The following LIG3 variants were observed in gnomAD, a reference collection of about 807,000 sequenced individuals.
LIG3 encodes the protein ligase II, DNA, ATP-dependent.
Under a neutral mutation model 110.9 loss-of-function variants are expected in LIG3, and 58 were observed. The ratio of observed to expected loss-of-function variants is 0.52; its 90% CI spans 0.42 to 0.65. The LOEUF is 0.65. Among genes scored for constraint, LIG3 ranks in the 30% least tolerant of loss-of-function variants. LIG3 has a pLI of 0.00. For synonymous variants in LIG3, 422 were observed against 472.8 expected, an observed-to-expected ratio of 0.89 and a Z score of 1.39; for missense variants, 1,094 against 1,273.8, an observed-to-expected ratio of 0.86 and a Z score of 2.15.
In LIG3 at chr17:34,983,457, G is replaced by A. The variant is rs537076655; in HGVS notation, c.452G>A (p.Arg151Gln). Residue 151 changes from arginine to glutamine, a missense_variant, in exon 2 of 20, where the codon CGG becomes CAG. By Grantham distance (43) the Arg-to-Gln change is conservative (BLOSUM62 1). Transcript: ENST00000378526. ...ATGTTTGAGAAACTAGAGCGGGCCCGGGCCACCACAAAAAAAATCGAGGAC... is the reference window on the plus strand; with the variant it reads ...ATGTTTGAGAAACTAGAGCGGGCCCAGGCCACCACAAAAAAAATCGAGGAC... ...KCMFEKLERARATTKKIEDLT... is the reference protein window; with the variant it reads ...KCMFEKLERAQATTKKIEDLT... 54 of 1,614,046 alleles carry A rather than the reference G, an allele frequency of 3.3e-5. No homozygotes were observed. In the Admixed American group the frequency reaches 5.5e-4, roughly 16 times the overall value.
chr17:34,988,603 T>C (rs2090684365), intron 3 of LIG3, among the ~76,000 whole-genome samples: 2 of 152,212 alleles, frequency 1.3e-5, no homozygotes, highest in South Asian at 2.1e-4. Flanking sequence ...TTTTTAAGTG[T>C]CTGGAGGAAA....
chr17:34,982,982 C>A lies in LIG3; in HGVS notation c.-4-20C>A. 7.7e-7 allele frequency: 1 copy of A among 1,304,946 alleles called. No individual in the cohort carries two copies. Among genetic ancestry groups the A allele is most frequent in the Non-Finnish European group, 1.0e-6 (1 of 986,274 alleles). The allele number at this position is 1,304,946 out of a possible 1,614,324, so 80.8% of individuals were successfully genotyped here. A position where few individuals can be genotyped will look rare whatever the true frequency, so the allele number is the denominator to read the frequency against. On this transcript the variant is annotated intron_variant, in intron 1 of 19. Coordinates refer to ENST00000378526, the MANE Select transcript of LIG3 (RefSeq NM_013975.4). ...TTATATCTTTTTTTTTTTTTTTTGG[C>A]CTCCTACTCTTTCGTACAGCTATAT...
chr17:34,994,185 A>G (rs1360949593), intron 8 of LIG3, 91 bp from the exon 9 acceptor site: 2 of 1,252,152 alleles, frequency 1.6e-6, no homozygotes, highest in Non-Finnish European at 2.2e-6. Context: ...CCAGGTAACT[A>G]CCCTCACTAA....
rs770559358 is a variant in LIG3 at position 34,983,382 on chromosome 17, C to A, written c.377C>A (p.Pro126His). 3.7e-6 allele frequency: 6 copies of A among 1,614,012 alleles called. No individual in the cohort carries two copies. Among genetic ancestry groups the A allele is most frequent in the Non-Finnish European group, 5.1e-6 (6 of 1,180,036 alleles). The change falls in exon 2 of 20, where the codon CCC becomes CAC. Residue 126 changes from proline (P) to histidine (H), a missense_variant. Transcript: ENST00000378526. ...VCRIGKVVPN[P>H]FSESGGDMKE... ...CGAATTGGCAAAGTGGTGCCCAATC[C>A]CTTCTCAGAGTCTGGGGGTGATATG...
intron 11 of LIG3, 161 bp from the exon 12 acceptor site, chr17:34,997,577 C>T (rs1378182043): frequency 1.6e-6 from 1 of 609,866 alleles, no homozygotes; most frequent in Non-Finnish European, 3.0e-6. Flanking sequence ...CGATGGAGCC[C>T]TTGTAGCCCT....
At chr17:35,001,515 TGAGGCA>T in intron 17 of LIG3, 112 bp downstream of exon 17, 1 of 1,164,932 alleles carries the variant, frequency 8.6e-7, no homozygotes, top group South Asian at 1.5e-5. Flanking sequence ...CCCATTCTCC[TGAGGCA>T]GAGCAAGGAG....
rs768095522 is a variant in LIG3 at position 34,986,104 on chromosome 17, A to G, written c.664A>G (p.Asn222Asp). The G allele has an allele frequency of 2.5e-6, 4 of 1,614,166 alleles. No homozygotes were observed. In the East Asian group the frequency reaches 6.7e-5, roughly 27 times the overall value. ...AGGCGCCTCATTTGTCACCAGTACCAATCCCCGGAAATTTTCTGGCTTTTC... is the reference window on the plus strand; with the variant it reads ...AGGCGCCTCATTTGTCACCAGTACCGATCCCCGGAAATTTTCTGGCTTTTC... ...VKGASFVTST[N>D]PRKFSGFSAK... Residue 222 changes from asparagine (N) to aspartate (D), a missense_variant, in exon 3 of 20, where the codon AAT (asparagine) becomes GAT (aspartate). Asn to Asp is a conservative substitution (Grantham distance 23). Coordinates refer to ENST00000378526, the MANE Select transcript of LIG3 (RefSeq NM_013975.4).
intron 7 of LIG3, 112 bp downstream of exon 7, chr17:34,992,147 T>G: frequency 1.1e-6 from 1 of 906,610 alleles, no homozygotes; most frequent in Non-Finnish European, 1.8e-6. Context: ...CCTTCCACCT[T>G]CTTACTTTCT....
In LIG3 at chr17:34,999,846, C is replaced by T; in HGVS notation, c.2321C>T (p.Pro774Leu). The T allele has an allele frequency of 6.2e-7, 1 of 1,613,866 alleles. No individual in the cohort carries two copies. The highest frequency in any genetic ancestry group is 8.5e-7 in the Non-Finnish European group (1 of 1,179,776). Residue 774 changes from proline (P) to leucine (L), a missense_variant, in exon 16 of 20, where the codon CCA (proline) becomes CTA (leucine). Coordinates refer to ENST00000378526, the MANE Select transcript of LIG3 (RefSeq NM_013975.4). ...ATCTACTATCCTGACTTCATCGTCC[C>T]AGACCCAAAGGTATCAACCCAGTGG... ...NKIYYPDFIV[P>L]DPKKAAVWEI... is the part of the protein sequence containing the mutation.
rs1189429348 is a variant in LIG3, at chr17:34,992,007, C to T, written c.1258C>T (p.Leu420=). The change falls in exon 7 of 20, where the codon CTG becomes TTG. Residue 420 remains leucine (L), a synonymous_variant. Coordinates refer to ENST00000378526, the MANE Select transcript of LIG3 (RefSeq NM_013975.4). ...KCIIRLIKHD[L]KMNSGAKHVL... Reference sequence around the variant, plus strand: ...CATCATCAGGTTGATCAAACATGATCTGAAGATGAACTCAGGTGCAAAACA... The same window carrying T: ...CATCATCAGGTTGATCAAACATGATTTGAAGATGAACTCAGGTGCAAAACA... 6.2e-7 allele frequency: 1 copy of T among 1,613,942 alleles called. No individual in the cohort carries two copies. The highest frequency in any genetic ancestry group is 8.5e-7 in the Non-Finnish European group (1 of 1,179,742).
rs1248858427 is a variant in LIG3 at position 35,005,712 on chromosome 17, A to G, written c.*1206A>G. ...TTTCATGGCTGGAGTATTCATGTGA[A>G]TGAAACTGCCGGGCTATCTGATGGG... On this transcript the variant is annotated 3_prime_UTR_variant, in exon 20 of 20. Coordinates refer to ENST00000378526, the MANE Select transcript of LIG3 (RefSeq NM_013975.4). 1 of 561,360 alleles carries G rather than the reference A, an allele frequency of 1.8e-6. No individual in the cohort carries two copies. Among genetic ancestry groups the G allele is most frequent in the African/African-American group, 1.9e-5 (1 of 52,984 alleles). The allele number at this position is 561,360 out of a possible 1,614,324, so 34.8% of individuals were successfully genotyped here. A position where few individuals can be genotyped will look rare whatever the true frequency, so the allele number is the denominator to read the frequency against.
Position 34,986,136 on chromosome 17 carries a change from G to A in LIG3, c.691+5G>A, listed in dbSNP as rs777035646. 6.2e-6 allele frequency: 10 copies of A among 1,613,920 alleles called. No individual in the cohort carries two copies. The highest frequency in any genetic ancestry group is 1.6e-4 in the Middle Eastern group (1 of 6,062). Reference sequence around the variant, plus strand: ...GGAAATTTTCTGGCTTTTCAGGTAAGATAGGTTAGGGCTACTTTAGCTGTT... The same window carrying A: ...GGAAATTTTCTGGCTTTTCAGGTAAAATAGGTTAGGGCTACTTTAGCTGTT... On this transcript the variant is annotated splice_donor_5th_base_variant and intron_variant, in intron 3 of 19. Transcript: ENST00000378526.
chr17:34,999,844 C>T lies in LIG3; in HGVS notation c.2319C>T (p.Val773=), dbSNP rs763776644. 114 of 1,613,764 alleles carry T rather than the reference C, an allele frequency of 7.1e-5. No homozygotes were observed. The highest frequency in any genetic ancestry group is 9.6e-5 in the Non-Finnish European group (113 of 1,179,808). ...AGATCTACTATCCTGACTTCATCGTCCCAGACCCAAAGGTATCAACCCAGT... is the reference window on the plus strand; with the variant it reads ...AGATCTACTATCCTGACTTCATCGTTCCAGACCCAAAGGTATCAACCCAGT... ...VNKIYYPDFI[V]PDPKKAAVWE... Residue 773 remains valine (V), a synonymous_variant, in exon 16 of 20, where the codon GTC becomes GTT. Coordinates refer to ENST00000378526, the MANE Select transcript of LIG3 (RefSeq NM_013975.4).
intron 11 of LIG3, 52 bp from the exon 12 acceptor site, chr17:34,997,686 T>C (rs1187924450): frequency 1.5e-6 from 2 of 1,331,486 alleles, no homozygotes; most frequent in Non-Finnish European, 2.2e-6. Context: ...TCAGAATTCC[T>C]AATAAGGGAG....
chr17:34,997,903 T>G, intron 12 of LIG3, 78 bp downstream of exon 12: 5 of 1,070,344 alleles, frequency 4.7e-6, no homozygotes, highest in Non-Finnish European at 7.3e-6. Context: ...CAACTGCGAC[T>G]GGAAGAATAA....
intron 19 of LIG3, chr17:35,004,000 C>G (rs1020652636): frequency 8.5e-5 from 36 of 425,656 alleles, no homozygotes; most frequent in Non-Finnish European, 1.7e-5. Context: ...GACTGGGTGG[C>G]TCTTATACAC....
chr17:34,990,940 A>G (rs1459555392), intron 4 of LIG3, 23 bp from the exon 5 acceptor site: 1 of 1,610,702 alleles, frequency 6.2e-7, no homozygotes, highest in African/African-American at 1.3e-5. Context: ...CTATTTCTCA[A>G]GAAGGGTTCC....
chr17:35,002,133 G>A, intron 18 of LIG3, 29 bp downstream of exon 18: 2 of 1,520,810 alleles, frequency 1.3e-6, no homozygotes, highest in Non-Finnish European at 1.8e-6. Context: ...CTGGTATGGT[G>A]AAGAGGGCGG....
chr17:34,996,342 TGTC>T, intron 10 of LIG3, 147 bp downstream of exon 10: 1 of 1,067,692 alleles, frequency 9.4e-7, no homozygotes, highest in South Asian at 1.7e-5. Flanking sequence ...TTTGGATTTT[TGTC>T]TTTTGTTTTT....
Sources: allele counts gnomAD v4.1 joint callset (sites outside exome capture counted in the v4.1 genomes callset), GRCh38; gene constraint gnomAD v4.1.1; transcripts MANE v1.5; gene names NCBI Gene and HGNC (gene_info 2026-07-23, HGNC 2026-07-21).